The following ECM2 variants were observed in gnomAD, a reference collection of about 807,000 sequenced individuals.
ECM2 encodes extracellular matrix protein 2, female organ and adipocyte specific.
Under a neutral mutation model 67.5 loss-of-function variants are expected in ECM2, and 57 were observed. That is an observed-to-expected ratio of 0.84 (90% CI 0.68 to 1.05). ECM2 has a LOEUF of 1.05. Ranked by LOEUF, ECM2 falls within the 50% of genes least tolerant of loss-of-function variation. The pLI is 0.00. For missense variants in ECM2, 741 were observed against 822.8 expected (o/e 0.90, Z 1.22); for synonymous variants, 258 against 294.5 (o/e 0.88, Z 1.27).
chr9:92,540,654 G>A (rs939702701), upstream of ECM2, among the ~76,000 whole-genome samples: 48 of 147,836 alleles, frequency 3.2e-4, no homozygotes, highest in African/African-American at 1.2e-3. Context: ...GCCTGTAGTC[G>A]CAGCTACTCG....
At chr9:92,544,017 T>A in the ECM2 span, among the ~76,000 whole-genome samples, 1 of 152,196 alleles carries the variant, frequency 6.6e-6, no homozygotes, top group Non-Finnish European at 1.5e-5. Flanking sequence ...ATTTTAGATA[T>A]TTTTTATTTC....
chr9:92,509,631 TAAA>T (rs1385178953), intron 6 of ECM2, among the ~76,000 whole-genome samples: 1 of 152,202 alleles, frequency 6.6e-6, no homozygotes, highest in Non-Finnish European at 1.5e-5. Context: ...GGATTTGTAG[TAAA>T]TTTATTGCCT....
chr9:92,546,347 G>A, the ECM2 span, among the ~76,000 whole-genome samples: 4 of 152,146 alleles, frequency 2.6e-5, no homozygotes, highest in Middle Eastern at 3.2e-3. Context: ...CTTCCACTGT[G>A]TGGAAGCTTT....
chr9:92,534,876 T>C (rs994591469), intron 1 of ECM2, among the ~76,000 whole-genome samples: 27 of 152,338 alleles, frequency 1.8e-4, no homozygotes, highest in African/African-American at 5.5e-4. Flanking sequence ...TGTGCAGACC[T>C]TCCATCCTGT....
chr9:92,543,943 CT>C, the ECM2 span, among the ~76,000 whole-genome samples: 1 of 152,100 alleles, frequency 6.6e-6, no homozygotes, highest in Admixed American at 6.6e-5. Flanking sequence ...TTGGTGCAGT[CT>C]TTAGAATTTT....
At chr9:92,549,036 A>C in the ECM2 span, among the ~76,000 whole-genome samples, 2 of 152,236 alleles carry the variant, frequency 1.3e-5, no homozygotes, top group African/African-American at 2.4e-5. Context: ...TGGTAGTGAT[A>C]GAAGGATAAA....
intron 9 of ECM2, among the ~76,000 whole-genome samples, chr9:92,496,940 C>CAA (rs34069793): frequency 2.6e-4 from 29 of 112,278 alleles, no homozygotes; most frequent in East Asian, 1.0e-3. Flanking sequence ...ATAAGGTTTG[C>CAA]AAAAAAAAAA....
the ECM2 span, among the ~76,000 whole-genome samples, chr9:92,551,468 T>G: frequency 6.6e-6 from 1 of 152,112 alleles, no homozygotes; most frequent in Non-Finnish European, 1.5e-5. Flanking sequence ...CTGTCAAATG[T>G]CTGGGACTAC....
At chr9:92,510,663 T>G (rs937895799) in intron 5 of ECM2, among the ~76,000 whole-genome samples, 1 of 152,196 alleles carries the variant, frequency 6.6e-6, no homozygotes, top group African/African-American at 2.4e-5. Flanking sequence ...TGGGGACCTG[T>G]GGTTGGGTAG....
chr9:92,534,048 ACTT>A (rs1340814043), intron 1 of ECM2, among the ~76,000 whole-genome samples: 1 of 151,990 alleles, frequency 6.6e-6, no homozygotes, highest in Non-Finnish European at 1.5e-5. Flanking sequence ...TAAACTAAAA[ACTT>A]CTTTTTTTCC....
intron 3 of ECM2, among the ~76,000 whole-genome samples, chr9:92,515,856 G>C (rs981655535): frequency 6.6e-6 from 1 of 152,150 alleles, no homozygotes; most frequent in Admixed American, 6.5e-5. Flanking sequence ...GGACTTAAGT[G>C]ATGTTGCTTT....
chr9:92,509,377 A>G (rs1847200909), intron 6 of ECM2, among the ~76,000 whole-genome samples: 1 of 152,214 alleles, frequency 6.6e-6, no homozygotes, highest in African/African-American at 2.4e-5. Context: ...TTCATATTCC[A>G]TGCATAATTC....
upstream of ECM2, among the ~76,000 whole-genome samples, chr9:92,538,530 A>T (rs774779483): frequency 2.0e-5 from 3 of 152,248 alleles, no homozygotes; most frequent in Admixed American, 6.5e-5. Context: ...TTAAAGTAAC[A>T]GCACTGAGGA....
At chr9:92,528,927 C>T (rs1327991964) in intron 1 of ECM2, among the ~76,000 whole-genome samples, 1 of 152,146 alleles carries the variant, frequency 6.6e-6, no homozygotes, top group African/African-American at 2.4e-5. Context: ...TGCTGATATA[C>T]TAATAAAGTA....
the ECM2 span, among the ~76,000 whole-genome samples, chr9:92,547,580 TGA>T: frequency 2.6e-5 from 4 of 152,346 alleles, no homozygotes; most frequent in South Asian, 8.3e-4. Flanking sequence ...ACATATTGAA[TGA>T]TTTCATTCGT....
chr9:92,502,778 C>A, intron 7 of ECM2, 126 bp from the exon 8 acceptor site: 185 of 543,986 alleles, frequency 3.4e-4, no homozygotes, highest in Non-Finnish European at 4.7e-4. Context: ...ACTGCTCTTT[C>A]AAGTAAGCTC....
At chr9:92,508,309 G>A (rs1458047786) in intron 6 of ECM2, among the ~76,000 whole-genome samples, 1 of 152,206 alleles carries the variant, frequency 6.6e-6, no homozygotes, top group Non-Finnish European at 1.5e-5. Context: ...AGGCTCCTCG[G>A]GTGCTCGGAC....
chr9:92,543,185 C>T, the ECM2 span, among the ~76,000 whole-genome samples: 2 of 152,072 alleles, frequency 1.3e-5, no homozygotes. Flanking sequence ...ATCAAGATGG[C>T]ATTGGTGCCA....
rs1221376368 is a variant in ECM2, at chr9:92,495,652, T to G, written c.*663A>C. The G allele has an allele frequency of 1.1e-6, 1 of 912,704 alleles. No individual in the cohort carries two copies. The highest frequency in any genetic ancestry group is 1.2e-4 in the East Asian group (1 of 8,476). The allele number at this position is 912,704 out of a possible 1,614,324, so 56.5% of individuals were successfully genotyped here. On this transcript the variant is annotated 3_prime_UTR_variant, in exon 10 of 10. Coordinates refer to ENST00000344604, the MANE Select transcript of ECM2 (RefSeq NM_001393.4). ...TTATAGAAAAGTTTCAAAAAGAGTATAGAATTTATGCACACCCTTCTGCCA... is the reference window on the plus strand; with the variant it reads ...TTATAGAAAAGTTTCAAAAAGAGTAGAGAATTTATGCACACCCTTCTGCCA...
Sources: allele counts gnomAD v4.1 joint callset (sites outside exome capture counted in the v4.1 genomes callset), GRCh38; gene constraint gnomAD v4.1.1; transcripts MANE v1.5; gene names NCBI Gene and HGNC (gene_info 2026-07-23, HGNC 2026-07-21).